The following PDXDC1 variants were observed in gnomAD, a reference collection of about 807,000 sequenced individuals.
PDXDC1 encodes pyridoxal dependent decarboxylase domain containing 1.
A neutral mutation model predicts 100.1 loss-of-function variants in PDXDC1; 42 were observed. The ratio of observed to expected loss-of-function variants is 0.42; its 90% CI spans 0.33 to 0.54. The LOEUF is 0.54. PDXDC1 is among the 20% of genes least tolerant of loss of function. The pLI is 0.10. For missense variants in PDXDC1, 636 were observed against 979.2 expected, an observed-to-expected ratio of 0.65 and a Z score of 4.68; for synonymous variants, 260 against 371.7, an observed-to-expected ratio of 0.70 and a Z score of 3.46.
At chr16:15,052,833 AAAAT>A (rs964234228) in intron 16 of PDXDC1, among the ~76,000 whole-genome samples, 3 of 152,108 alleles carry the variant, frequency 2.0e-5, no homozygotes, top group East Asian at 1.9e-4. Flanking sequence ...TCTCAAAAAA[AAAAT>A]AAATAAATAA....
chr16:15,136,152 C>A, intron 16 of PDXDC1: 3 of 1,254,072 alleles, frequency 2.4e-6, no homozygotes, highest in Non-Finnish European at 3.4e-6. Flanking sequence ...GTGTGGGATG[C>A]CAGGGGGCTC....
At chr16:15,019,988 T>G (rs1354271146) in intron 12 of PDXDC1, among the ~76,000 whole-genome samples, 2 of 152,094 alleles carry the variant, frequency 1.3e-5, no homozygotes, top group African/African-American at 4.8e-5. Flanking sequence ...GGCGGGCGCC[T>G]GTAGTCCCAG....
intron 16 of PDXDC1, 108 bp downstream of exon 16, chr16:15,030,164 G>T (rs1448888507): frequency 1.1e-6 from 1 of 896,742 alleles, no homozygotes; most frequent in South Asian, 1.6e-5. Context: ...AGCTCTTTTT[G>T]GAGGGGCATT....
intron 1 of PDXDC1, among the ~76,000 whole-genome samples, chr16:14,983,964 G>T (rs1005174428): frequency 2.0e-5 from 3 of 152,246 alleles, no homozygotes; most frequent in African/African-American, 7.2e-5. Flanking sequence ...GGAGTTTGAG[G>T]GCAGCCAGGG....
intron 16 of PDXDC1, chr16:15,137,299 G>T (rs1158992871): frequency 2.0e-6 from 2 of 1,016,618 alleles, no homozygotes; most frequent in African/African-American, 1.6e-5. Flanking sequence ...CCCTACAGGT[G>T]GGGGCAGGAG....
chr16:15,027,368 G>T (rs2042692077), intron 14 of PDXDC1, among the ~76,000 whole-genome samples: 1 of 152,386 alleles, frequency 6.6e-6, no homozygotes, highest in South Asian at 2.1e-4. Context: ...ATGTTTTACA[G>T]CTCCTAAGGC....
rs532011744 is a variant in PDXDC1 at position 15,133,839 on chromosome 16, C to A, written c.1400-5040C>A. On this transcript the variant is annotated intron_variant, in intron 16 of 16. Transcript: ENST00000535621. ...CTTGGTGGTGAGGGCGTGCACAGCG[C>A]CCAGTGGGAAGAGGCGGCAAGAGCC... 6.0e-5 allele frequency: 95 copies of A among 1,576,732 alleles called. No individual in the cohort carries two copies. In the African/African-American group the frequency reaches 1.1e-3, roughly 18 times the overall value.
At chr16:15,012,708 C>T (rs928341536) in intron 8 of PDXDC1, among the ~76,000 whole-genome samples, 12 of 152,248 alleles carry the variant, frequency 7.9e-5, no homozygotes, top group Non-Finnish European at 1.3e-4. Context: ...AAACATTAGC[C>T]AGGTGTGGTG....
At chr16:15,146,993 G>A in the PDXDC1 span, among the ~76,000 whole-genome samples, 4 of 152,150 alleles carry the variant, frequency 2.6e-5, no homozygotes, top group South Asian at 6.2e-4. Context: ...ACTCCAGGGC[G>A]CAAATTCCCT....
chr16:15,035,413 C>A, intron 21 of PDXDC1, 36 bp from the exon 22 acceptor site: 3 of 1,304,996 alleles, frequency 2.3e-6, no homozygotes, highest in African/African-American at 1.5e-5. Context: ...GCAGCCTGTG[C>A]CTGTAGCTTC....
chr16:15,137,243 G>T, intron 16 of PDXDC1: 2 of 816,138 alleles, frequency 2.5e-6, no homozygotes, highest in Middle Eastern at 3.5e-4. Context: ...CCCCACCAGG[G>T]GGGCCCCTGG....
At chr16:15,104,872 A>C in intron 16 of PDXDC1, 3 of 1,523,680 alleles carry the variant, frequency 2.0e-6, no homozygotes, top group Non-Finnish European at 2.6e-6. Context: ...GCACCTTTCC[A>C]TCCTCCAGGT....
At chr16:14,990,282 C>G (rs1313893087) in intron 1 of PDXDC1, 2 of 268,302 alleles carry the variant, frequency 7.5e-6, no homozygotes, top group African/African-American at 2.3e-5. Context: ...CGGCCCCCGC[C>G]GCAACCGCCG....
intron 22 of PDXDC1, 98 bp from the exon 23 acceptor site, chr16:15,035,918 T>A: frequency 7.9e-6 from 10 of 1,269,726 alleles, no homozygotes; most frequent in Non-Finnish European, 9.9e-6. Context: ...CTGCTGAAGC[T>A]GTGTTGTGAA....
intron 16 of PDXDC1, among the ~76,000 whole-genome samples, chr16:15,077,065 C>T (rs978774174): frequency 1.1e-4 from 16 of 151,822 alleles, no homozygotes; most frequent in Non-Finnish European, 2.1e-4. Context: ...CCGCAAACTC[C>T]GCCCCCCAGG....
chr16:15,031,879 CT>C lies in PDXDC1; in HGVS notation c.1545del (p.Asn516ThrfsTer5). 1 of 1,612,724 alleles carries C rather than the reference CT, an allele frequency of 6.2e-7. No individual in the cohort carries two copies. Among genetic ancestry groups the C allele is most frequent in the Non-Finnish European group, 8.5e-7 (1 of 1,179,320 alleles). On this transcript the variant is annotated frameshift_variant, in exon 17 of 23. Coordinates refer to ENST00000396410, the MANE Select transcript of PDXDC1 (RefSeq NM_015027.4). LOFTEE classifies it high-confidence loss of function. ...GCAGGTCTCCTATATGTTGATGACC[CT>C]AACTGGTCTGGAATAGGGGTTGTCA... The part of the protein sequence containing the change: ...ATAGLLYVDD[P>X]NWSGIGVVRY...
chr16:15,089,257 C>CT (rs2046024294), intron 16 of PDXDC1, among the ~76,000 whole-genome samples: 2 of 152,066 alleles, frequency 1.3e-5, no homozygotes, highest in African/African-American at 4.8e-5. Flanking sequence ...TCCCACTACA[C>CT]TACAGCCTAG....
intron 16 of PDXDC1, chr16:15,128,214 G>A (rs564682419): frequency 7.7e-5 from 124 of 1,610,840 alleles, no homozygotes; most frequent in South Asian, 3.0e-4. Context: ...GGCAGGGTCC[G>A]CACAGACCTT....
chr16:14,977,348 C>T (rs1398564753), intron 1 of PDXDC1, among the ~76,000 whole-genome samples: 6 of 138,208 alleles, frequency 4.3e-5, no homozygotes, highest in South Asian at 2.4e-4. Context: ...GAGGCGATCT[C>T]GGATCCCTGC....
Sources: allele counts gnomAD v4.1 joint callset (sites outside exome capture counted in the v4.1 genomes callset), GRCh38; gene constraint gnomAD v4.1.1; transcripts MANE v1.5; gene names NCBI Gene and HGNC (gene_info 2026-07-23, HGNC 2026-07-21).